MITD1: variants seen among roughly 807,000 people sequenced by gnomAD.
The protein encoded by MITD1 is microtubule interacting and trafficking domain containing 1, also known as MIT domain-containing protein 1.
A neutral mutation model predicts 34.9 loss-of-function variants in MITD1; 24 were observed. That is an observed-to-expected ratio of 0.69 (90% CI 0.50 to 0.97). The LOEUF is 0.97. Among genes scored for constraint, MITD1 ranks in the 50% least tolerant of loss-of-function variants. The pLI is 0.00. For synonymous variants in MITD1, 102 were observed against 101.4 expected (o/e 1.01, Z -0.04); for missense variants, 266 against 294.6 (o/e 0.90, Z 0.71).
At chr2:99,180,204 TC>T (rs2093909457) in intron 1 of MITD1, among the ~76,000 whole-genome samples, 1 of 152,156 alleles carries the variant, frequency 6.6e-6, no homozygotes, top group African/African-American at 2.4e-5. Flanking sequence ...CTTTTCTTCT[TC>T]TACCGCTACA....
At chr2:99,173,286 G>C in intron 2 of MITD1, 1 of 301,034 alleles carries the variant, frequency 3.3e-6, no homozygotes, top group South Asian at 3.1e-5. Flanking sequence ...GGCTTTTGAG[G>C]GCAGCAGTAC....
At chr2:99,178,062 G>A (rs1430947689) in intron 1 of MITD1, among the ~76,000 whole-genome samples, 5 of 152,080 alleles carry the variant, frequency 3.3e-5, no homozygotes, top group African/African-American at 4.8e-5. Context: ...CTGTATATAT[G>A]TGCCATATTT....
intron 1 of MITD1, among the ~76,000 whole-genome samples, chr2:99,176,631 G>A (rs540551979): frequency 2.0e-5 from 3 of 152,094 alleles, no homozygotes; most frequent in Middle Eastern, 3.4e-3. Flanking sequence ...CTGGCCATTC[G>A]TAAACTTTCT....
intron 7 of MITD1, chr2:99,163,131 A>C (rs1464963938): frequency 7.8e-7 from 1 of 1,287,424 alleles, no homozygotes; most frequent in Admixed American, 2.7e-5. Context: ...AATGTCTCAT[A>C]CTTGCACATT....
intron 1 of MITD1, among the ~76,000 whole-genome samples, chr2:99,176,449 C>A (rs964936412): frequency 6.6e-6 from 1 of 152,086 alleles, no homozygotes; most frequent in Admixed American, 6.5e-5. Flanking sequence ...CCTCAGCCTC[C>A]GGAGTAGCTG....
At chr2:99,179,731 T>G (rs1449206743) in intron 1 of MITD1, among the ~76,000 whole-genome samples, 2 of 151,930 alleles carry the variant, frequency 1.3e-5, no homozygotes, top group African/African-American at 4.8e-5. Flanking sequence ...CCCGGCTAAT[T>G]TTTGTATTTT....
intron 1 of MITD1, among the ~76,000 whole-genome samples, chr2:99,176,220 G>C (rs572771662): frequency 2.8e-4 from 43 of 152,290 alleles, no homozygotes; most frequent in Admixed American, 1.3e-3. Flanking sequence ...CCGAAGTGCT[G>C]GGATTACAGG....
At chr2:99,161,648 G>C (rs952595622), downstream of MITD1, 1 of 202,916 alleles carries the variant, frequency 4.9e-6, no homozygotes, top group African/African-American at 2.4e-5. Context: ...GACCAGCCTG[G>C]GCAACATGGT....
At chr2:99,174,482 A>G (rs1471469371) in intron 1 of MITD1, among the ~76,000 whole-genome samples, 2 of 152,330 alleles carry the variant, frequency 1.3e-5, no homozygotes, top group South Asian at 2.1e-4. Context: ...ATACATGATC[A>G]TAAAGTTTTA....
intron 1 of MITD1, among the ~76,000 whole-genome samples, chr2:99,180,060 C>T (rs993373235): frequency 6.6e-6 from 1 of 152,136 alleles, no homozygotes; most frequent in Non-Finnish European, 1.5e-5. Context: ...TGAGTGTCTA[C>T]TGTGAGCCAG....
At position 99,169,610 on chromosome 2, in the gene MITD1, C is replaced by A; in HGVS notation, c.594G>T (p.Arg198Ser). The A allele has an allele frequency of 6.3e-7, 1 of 1,599,346 alleles. No homozygotes were observed. The highest frequency in any genetic ancestry group is 8.6e-7 in the Non-Finnish European group (1 of 1,166,862). ...YSSSIHDREI[R>S]FNNGWMIKIG... ...TCTTAATCATCCATCCATTGTTGAA[C>A]CTGTTGAAATTAGTATATAGTATTA... The change falls in exon 6 of 7, where the codon AGG becomes AGT. Residue 198 changes from arginine (R) to serine (S), a missense_variant and splice_region_variant. Arg to Ser is a moderately radical substitution (Grantham distance 110). Transcript: ENST00000289359.
chr2:99,164,872 C>T (rs372034865), downstream of MITD1, among the ~76,000 whole-genome samples: 1,460 of 105,460 alleles, frequency 0.014, 13 homozygotes, highest in African/African-American at 0.037. Flanking sequence ...TATCATCAGG[C>T]AAAGGGTGTT....
intron 7 of MITD1, chr2:99,163,100 A>AC (rs1236228924): frequency 6.8e-7 from 1 of 1,463,108 alleles, no homozygotes; most frequent in Non-Finnish European, 9.1e-7. Flanking sequence ...ATGTCTTAAT[A>AC]CAGTTTCAAT....
At chr2:99,180,717 T>G in intron 1 of MITD1, 114 bp downstream of exon 1, 1 of 899,470 alleles carries the variant, frequency 1.1e-6, no homozygotes, top group Non-Finnish European at 1.8e-6. Context: ...CTTCTGTATT[T>G]AACTGCTTCT....
At chr2:99,173,624 A>G (rs2093870009) in intron 2 of MITD1, 6 of 471,940 alleles carry the variant, frequency 1.3e-5, no homozygotes, top group Non-Finnish European at 2.4e-5. Context: ...GGATTTGTGA[A>G]CCCCTTAAAA....
chr2:99,169,680 T>G, intron 5 of MITD1, 70 bp from the exon 6 acceptor site: 4 of 1,331,846 alleles, frequency 3.0e-6, no homozygotes, highest in Non-Finnish European at 4.3e-6. Context: ...CTGTAGTGTA[T>G]TAAGTGTCAG....
chr2:99,173,684 G>C (rs1441347381), intron 2 of MITD1: 2 of 556,008 alleles, frequency 3.6e-6, no homozygotes, highest in Non-Finnish European at 6.4e-6. Context: ...GATGTTCAAA[G>C]GGGTGTCTGA....
Position 99,169,490 on chromosome 2 carries a change from G to T in MITD1, c.655-20C>A. On this transcript the variant is annotated intron_variant, in intron 6 of 6. Coordinates refer to ENST00000289359, the MANE Select transcript of MITD1 (RefSeq NM_138798.3). ...ACGACTCTAAGAAGAGAAGAAAAGA[G>T]TATCATTAAAAATGATACAAAAACA... 6.2e-7 allele frequency: 1 copy of T among 1,606,144 alleles called. No individual in the cohort carries two copies. The highest frequency in any genetic ancestry group is 8.5e-7 in the Non-Finnish European group (1 of 1,174,336).
chr2:99,177,616 C>T (rs1171778026), intron 1 of MITD1, among the ~76,000 whole-genome samples: 1 of 152,070 alleles, frequency 6.6e-6, no homozygotes, highest in Admixed American at 6.5e-5. Context: ...ACATTATTAA[C>T]TCTAGTCACC....
Sources: gnomAD v4.1 joint callset for allele counts (sites outside exome capture counted in the v4.1 genomes callset) on GRCh38, gnomAD v4.1.1 for gene constraint, MANE v1.5 for transcripts, NCBI Gene and HGNC (gene_info 2026-07-23, HGNC 2026-07-21) for gene names.